IDNK: variants seen among roughly 807,000 people sequenced by gnomAD.
IDNK encodes the protein gluconokinase.
IDNK carries 9 observed loss-of-function variants against 13.0 expected under a neutral mutation model. The observed-to-expected ratio is 0.69, with a 90% CI of 0.42 to 1.21. The LOEUF is 1.21. Ranked by LOEUF, IDNK falls within the 50% of genes most tolerant of loss-of-function variation. The probability of loss-of-function intolerance (pLI) is 0.00; values close to 1 mark genes in which losing one functional copy is unlikely to be tolerated. For synonymous variants in IDNK, 92 were observed against 94.9 expected (o/e 0.97, Z 0.18); for missense variants, 210 against 237.8 (o/e 0.88, Z 0.77).
At chr9:83,631,818 G>C (rs758208087) in intron 3 of IDNK, among the ~76,000 whole-genome samples, 9 of 152,050 alleles carry the variant, frequency 5.9e-5, no homozygotes, top group Non-Finnish European at 1.3e-4. Flanking sequence ...AATTATTAGC[G>C]TTATGATGAA....
At position 83,643,726 on chromosome 9, in the gene IDNK, C is replaced by G; in HGVS notation, c.510C>G (p.Asp170Glu). 6.2e-7 allele frequency: 1 copy of G among 1,612,386 alleles called. No individual in the cohort carries two copies. Among genetic ancestry groups the G allele is most frequent in the Non-Finnish European group, 8.5e-7 (1 of 1,179,590 alleles). ...APENFIQISVDKNVSEIIATI... is the reference protein window; with the variant it reads ...APENFIQISVEKNVSEIIATI... ...AAAACTTTATCCAAATAAGTGTGGA[C>G]AAAAATGTTTCAGAGATAATTGCTA... is the stretch of plus-strand genomic sequence containing the variant. The change falls in exon 5 of 5, where the codon GAC (aspartate) becomes GAG (glutamate). Residue 170 changes from aspartate to glutamate, a missense_variant. By Grantham distance (45) the Asp-to-Glu change is conservative. Coordinates refer to ENST00000376419, the MANE Select transcript of IDNK (RefSeq NM_001001551.4).
chr9:83,643,396 G>A, intron 4 of IDNK, 33 bp from the exon 5 acceptor site: 1 of 1,528,978 alleles, frequency 6.5e-7, no homozygotes, highest in Non-Finnish European at 8.9e-7. Context: ...TCCTTCTTTA[G>A]CCTCCCTCTT....
In IDNK at chr9:83,643,529, T is replaced by C. The variant is rs529146488; in HGVS notation, c.313T>C (p.Cys105Arg). Residue 105 changes from cysteine (C) to arginine (R), a missense_variant, in exon 5 of 5, where the codon TGT (cysteine) becomes CGT (arginine). Physicochemically the swap from Cys to Arg is radical, Grantham distance 180. Transcript: ENST00000376419. ...AGGAAAAGATGGTGTAGCTCTGAAG[T>C]GTGAGGAGTCGGGAAAGGAAGCAAA... is the stretch of plus-strand genomic sequence containing the variant. ...TQGKDGVALKCEESGKEAKQA... is the reference protein window; with the variant it reads ...TQGKDGVALKREESGKEAKQA... The C allele has an allele frequency of 9.9e-6, 16 of 1,613,384 alleles. No homozygotes were observed. In the South Asian group the frequency reaches 1.3e-4, roughly 13 times the overall value.
Position 83,643,995 on chromosome 9 carries a change from G to C in IDNK, c.*215G>C. The C allele has an allele frequency of 2.1e-6, 1 of 486,878 alleles. No individual in the cohort carries two copies. Among genetic ancestry groups the C allele is most frequent in the Non-Finnish European group, 3.7e-6 (1 of 272,204 alleles). 30.2% of individuals were successfully genotyped at this position (486,878 alleles called of 1,614,324 possible). A position where few individuals can be genotyped will look rare whatever the true frequency, so the allele number is the denominator to read the frequency against. ...TTTTAAAAGTCAAGCTTAAATTGAA[G>C]TTTAAATTCATCTATAACCAAATCA... On this transcript the variant is annotated 3_prime_UTR_variant, in exon 5 of 5. Coordinates refer to ENST00000376419, the MANE Select transcript of IDNK (RefSeq NM_001001551.4).
rs1433517200 is a variant in IDNK, at chr9:83,623,240, G to A, written c.50+19G>A. The stretch of plus-strand genomic sequence containing the variant: ...CGGGGAAGTAGGTCCGGGAGAGGGC[G>A]GGGGGCGCCCGGGACAAGTGTTGCG... On this transcript the variant is annotated intron_variant, in intron 1 of 4. Transcript: ENST00000376419. 4 of 1,386,436 alleles carry A rather than the reference G, an allele frequency of 2.9e-6. No homozygotes were observed. The highest frequency in any genetic ancestry group is 3.4e-5 in the South Asian group (2 of 58,878). The allele number at this position is 1,386,436 out of a possible 1,614,324, so 85.9% of individuals were successfully genotyped here. A position where few individuals can be genotyped will look rare whatever the true frequency, so the allele number is the denominator to read the frequency against.
rs574762208 is a variant in IDNK at position 83,641,661 on chromosome 9, A to G, written c.212+70A>G. 1.3e-4 allele frequency: 188 copies of G among 1,443,074 alleles called. 2 individuals are homozygous for G. The South Asian group carries it at 1.9e-3, about 15-fold the overall frequency. 89.4% of individuals were successfully genotyped at this position (1,443,074 alleles called of 1,614,324 possible). On this transcript the variant is annotated intron_variant, in intron 4 of 4. Coordinates refer to ENST00000376419, the MANE Select transcript of IDNK (RefSeq NM_001001551.4). ...AAGAAAACCCTCAGAAAAGACAGGG[A>G]AAAAAAATACACTCCTGAAATCACA...
At chr9:83,626,648 C>G in intron 1 of IDNK, 1 of 1,187,640 alleles carries the variant, frequency 8.4e-7, no homozygotes, top group African/African-American at 1.6e-5. Flanking sequence ...AACTCCTGGC[C>G]TCAAGTGATC....
rs1288423390 is a variant in IDNK at position 83,643,460 on chromosome 9, G to A, written c.244G>A (p.Ala82Thr). 6.2e-7 allele frequency: 1 copy of A among 1,613,436 alleles called. No individual in the cohort carries two copies. Among genetic ancestry groups the A allele is most frequent in the Non-Finnish European group, 8.5e-7 (1 of 1,179,786 alleles). Residue 82 changes from alanine (A) to threonine (T), a missense_variant, in exon 5 of 5, where the codon GCC becomes ACC. Coordinates refer to ENST00000376419, the MANE Select transcript of IDNK (RefSeq NM_001001551.4). ...DVASGQRVVL[A>T]CSALKKTYRD... ...AGCCTCGGGACAGCGTGTGGTTCTA[G>A]CCTGTTCAGCCCTGAAGAAAACGTA...
At chr9:83,631,451 G>GGAAAAAAAAA (rs1831010547) in intron 3 of IDNK, among the ~76,000 whole-genome samples, 3 of 56,946 alleles carry the variant, frequency 5.3e-5, no homozygotes, top group Non-Finnish European at 9.1e-5. Context: ...TACAAAAACT[G>GGAAAAAAAAA]AAAAAAAAAA....
chr9:83,632,497 GGAA>G (rs1007046412), intron 3 of IDNK, among the ~76,000 whole-genome samples: 3 of 139,088 alleles, frequency 2.2e-5, no homozygotes, highest in African/African-American at 8.2e-5. Context: ...GGGCCACACT[GGAA>G]GAAGAATTGT....
chr9:83,641,394 C>G (rs1180371596), intron 3 of IDNK, among the ~76,000 whole-genome samples, 154 bp from the exon 4 acceptor site: 3 of 152,252 alleles, frequency 2.0e-5, no homozygotes, highest in African/African-American at 7.2e-5. Flanking sequence ...TGCCCAGCAG[C>G]TGGCCCCTCA....
chr9:83,623,722 C>T (rs892511732), intron 1 of IDNK, among the ~76,000 whole-genome samples: 13 of 152,220 alleles, frequency 8.5e-5, no homozygotes, highest in Non-Finnish European at 1.3e-4. Flanking sequence ...GAATCGTTTT[C>T]CCCTTCCTTT....
intron 3 of IDNK, among the ~76,000 whole-genome samples, chr9:83,633,536 C>T (rs2131627679): frequency 6.6e-6 from 1 of 152,314 alleles, no homozygotes; most frequent in Non-Finnish European, 1.5e-5. Flanking sequence ...CTTTGCACCA[C>T]ATTTAATGTT....
chr9:83,624,483 CAG>C (rs1830791335), intron 1 of IDNK, among the ~76,000 whole-genome samples: 1 of 152,088 alleles, frequency 6.6e-6, no homozygotes, highest in South Asian at 2.1e-4. Context: ...GTATGGGAGA[CAG>C]AGTAAATGAA....
At position 83,642,626 on chromosome 9, in the gene IDNK, C is replaced by T. The variant is rs554060414; in HGVS notation, c.213-803C>T. On this transcript the variant is annotated intron_variant, in intron 4 of 4. Coordinates refer to ENST00000376419, the MANE Select transcript of IDNK (RefSeq NM_001001551.4). ...CTTTCATTCTGAAGAGAACTTTATACTGGATCCCCAAGCCAGCCCCAAGCC... is the reference window on the plus strand; with the variant it reads ...CTTTCATTCTGAAGAGAACTTTATATTGGATCCCCAAGCCAGCCCCAAGCC... Among the ~76,000 whole-genome samples, 27 of 151,484 alleles carry T rather than the reference C, an allele frequency of 1.8e-4. No homozygotes were observed. The South Asian group carries it at 5.0e-3, about 28-fold the overall frequency.
At chr9:83,632,822 C>T (rs1007108549) in intron 3 of IDNK, among the ~76,000 whole-genome samples, 10 of 152,134 alleles carry the variant, frequency 6.6e-5, no homozygotes, top group Admixed American at 6.5e-4. Flanking sequence ...GTCTGGAAGG[C>T]ATAGAGCTCA....
chr9:83,623,186 C>G lies in IDNK; in HGVS notation c.15C>G (p.Gly5=). MAAP[G]ALLVMGVSGS... The stretch of plus-strand genomic sequence containing the variant: ...GAGCTTGGGTTATGGCGGCGCCGGG[C>G]GCGCTGCTGGTGATGGGCGTGAGCG... Residue 5 remains glycine, a synonymous_variant, in exon 1 of 5, where the codon GGC becomes GGG. Coordinates refer to ENST00000376419, the MANE Select transcript of IDNK (RefSeq NM_001001551.4). 7.1e-7 allele frequency: 1 copy of G among 1,412,782 alleles called. No individual in the cohort carries two copies. Among genetic ancestry groups the G allele is most frequent in the Non-Finnish European group, 9.2e-7 (1 of 1,089,094 alleles). The allele number at this position is 1,412,782 out of a possible 1,614,324, so 87.5% of individuals were successfully genotyped here.
chr9:83,643,834 T>A lies in IDNK; in HGVS notation c.*54T>A. On this transcript the variant is annotated 3_prime_UTR_variant, in exon 5 of 5. Coordinates refer to ENST00000376419, the MANE Select transcript of IDNK (RefSeq NM_001001551.4). ...GAACTAAGCATAAATCATTGTGCCATCCCAAACCTCGTTCCAGCCGCCTTG... is the reference window on the plus strand; with the variant it reads ...GAACTAAGCATAAATCATTGTGCCAACCCAAACCTCGTTCCAGCCGCCTTG... 1 of 1,358,286 alleles carries A rather than the reference T, an allele frequency of 7.4e-7. No homozygotes were observed. The allele number at this position is 1,358,286 out of a possible 1,614,324, so 84.1% of individuals were successfully genotyped here.
intron 4 of IDNK, 116 bp downstream of exon 4, chr9:83,641,707 T>C: frequency 9.4e-7 from 1 of 1,065,426 alleles, no homozygotes; most frequent in Non-Finnish European, 1.4e-6. Context: ...GGTAAAGGAT[T>C]CTAGAAACTG....
Sources: allele counts gnomAD v4.1 joint callset (sites outside exome capture counted in the v4.1 genomes callset), GRCh38; gene constraint gnomAD v4.1.1; transcripts MANE v1.5; gene names NCBI Gene and HGNC (gene_info 2026-07-23, HGNC 2026-07-21).